The following HEATR5B variants were observed in gnomAD, a reference collection of about 807,000 sequenced individuals.
HEATR5B encodes HEAT repeat containing 5B, also known as HEAT repeat-containing protein 5B.
In HEATR5B, 156 loss-of-function variants were observed where a neutral mutation model predicts 224.1. The observed-to-expected ratio is 0.70, with a 90% CI of 0.61 to 0.80. The LOEUF is 0.80. Ranked by LOEUF, HEATR5B falls within the 30% of genes least tolerant of loss-of-function variation. HEATR5B has a pLI of 0.00. For missense variants in HEATR5B, 2,323 were observed against 2,535.5 expected (o/e 0.92, Z 1.80); for synonymous variants, 1,027 against 893.0 (o/e 1.15, Z -2.68).
intron 24 of HEATR5B, 83 bp downstream of exon 24, chr2:37,027,840 T>G: frequency 1.5e-6 from 2 of 1,364,004 alleles, no homozygotes; most frequent in Non-Finnish European, 2.1e-6. Context: ...ACGCTATATC[T>G]GTCGCAGTAA....
chr2:36,998,821 ACT>A (rs1260013068), intron 33 of HEATR5B, among the ~76,000 whole-genome samples: 2 of 152,004 alleles, frequency 1.3e-5, no homozygotes, highest in South Asian at 2.1e-4. Context: ...TAGTTATCTT[ACT>A]CTCTATATAA....
chr2:37,014,055 A>G, intron 26 of HEATR5B, 35 bp from the exon 27 acceptor site: 3 of 1,250,530 alleles, frequency 2.4e-6, no homozygotes, highest in Non-Finnish European at 3.3e-6. Flanking sequence ...TTTGTGTAAA[A>G]AAAATTAATG....
At chr2:37,005,299 A>G (rs978116600) in intron 30 of HEATR5B, among the ~76,000 whole-genome samples, 2 of 152,182 alleles carry the variant, frequency 1.3e-5, no homozygotes, top group East Asian at 1.9e-4. Flanking sequence ...GCCCACTCTG[A>G]GAAACCATCC....
chr2:36,983,655 G>A (rs964719617), intron 35 of HEATR5B, among the ~76,000 whole-genome samples: 35 of 151,516 alleles, frequency 2.3e-4, no homozygotes, highest in Non-Finnish European at 4.3e-4. Flanking sequence ...TTGAACCTGG[G>A]AGGCAGAGGT....
In HEATR5B at chr2:37,020,719, T is replaced by C; in HGVS notation, c.3971A>G (p.Lys1324Arg). 1 of 1,609,554 alleles carries C rather than the reference T, an allele frequency of 6.2e-7. No individual in the cohort carries two copies. The highest frequency in any genetic ancestry group is 1.1e-5 in the South Asian group (1 of 90,052). The change falls in exon 25 of 36, where the codon AAG (lysine) becomes AGG (arginine). Residue 1324 changes from lysine (K) to arginine (R), a missense_variant. Physicochemically the swap from Lys to Arg is conservative, Grantham distance 26. Coordinates refer to ENST00000233099, the MANE Select transcript of HEATR5B (RefSeq NM_019024.3). ...TTCTGGCTCAGGCACAGACGCAAAC[T>C]TCTTGATAATGTCTTCAAGCGCCTG... is the stretch of plus-strand genomic sequence containing the variant. Reference protein sequence around the residue: ...GLQALEDIIKKFASVPEPEFP... With the variant: ...GLQALEDIIKRFASVPEPEFP...
At chr2:37,060,045 A>C (rs139138186) in intron 12 of HEATR5B, among the ~76,000 whole-genome samples, 1 of 152,344 alleles carries the variant, frequency 6.6e-6, no homozygotes, top group East Asian at 1.9e-4. Flanking sequence ...TTATCAAACG[A>C]AACAAAACCT....
chr2:37,057,467 T>C lies in HEATR5B; in HGVS notation c.2073A>G (p.Ala691=), dbSNP rs578172686. The C allele has an allele frequency of 4.4e-6, 7 of 1,604,336 alleles. No homozygotes were observed. The highest frequency in any genetic ancestry group is 1.3e-5 in the African/African-American group (1 of 74,262). The change falls in exon 15 of 36, where the codon GCA becomes GCG. Residue 691 remains alanine, a synonymous_variant. Coordinates refer to ENST00000233099, the MANE Select transcript of HEATR5B (RefSeq NM_019024.3). ...ATTCCGCTACCAGTTCTCTAAGAAG[T>C]GCATTAAAAGATCCTAAAAAACAGA... ...PPKTYEGSFN[A]LLRELVAEFT... is the part of the protein sequence containing the mutation.
intron 4 of HEATR5B, 101 bp downstream of exon 4, chr2:37,076,810 A>G (rs1672264501): frequency 1.2e-6 from 1 of 824,688 alleles, no homozygotes; most frequent in Non-Finnish European, 2.0e-6. Context: ...TTGCTAAGCA[A>G]TATGAGACCA....
Position 37,071,270 on chromosome 2 carries a change from G to GT in HEATR5B, c.769+839dup, listed in dbSNP as rs1231929990. On this transcript the variant is annotated intron_variant, in intron 6 of 35. Transcript: ENST00000233099. ...ACAGGACTTGAACCTAAAACATCTGGTTCTCTTTCTATGATACAGAGGTGG... is the reference window on the plus strand; with the variant it reads ...ACAGGACTTGAACCTAAAACATCTGGTTTCTCTTTCTATGATACAGAGGTGG... Among the ~76,000 whole-genome samples, 4 of 152,102 alleles carry GT rather than the reference G, an allele frequency of 2.6e-5. No homozygotes were observed. In the East Asian group the frequency reaches 7.7e-4, roughly 29 times the overall value.
At chr2:37,061,454 C>T (rs1671276041) in intron 11 of HEATR5B, among the ~76,000 whole-genome samples, 1 of 152,166 alleles carries the variant, frequency 6.6e-6, no homozygotes, top group African/African-American at 2.4e-5. Flanking sequence ...AAAATATGAA[C>T]ATACCCCATC....
chr2:37,036,708 G>C (rs991411848), intron 21 of HEATR5B, among the ~76,000 whole-genome samples: 1 of 151,864 alleles, frequency 6.6e-6, no homozygotes, highest in African/African-American at 2.4e-5. Context: ...GATGAGGTTT[G>C]ACCACATTGC....
chr2:36,990,615 T>A, intron 34 of HEATR5B, 33 bp downstream of exon 34: 4 of 1,489,348 alleles, frequency 2.7e-6, no homozygotes, highest in Non-Finnish European at 3.6e-6. Context: ...AAGGGAAATG[T>A]TTTTATCTAT....
Position 37,072,262 on chromosome 2 carries a change from T to A in HEATR5B, c.617A>T (p.Asn206Ile). ...AVAKCLLELQ[N>I]EAVFMWTAEL... ...AGCAGTCCACATAAATACAGCTTCA[T>A]TCTGTAGTTCTAGTAGACACTGGAA... Residue 206 changes from asparagine to isoleucine, a missense_variant, in exon 6 of 36, where the codon AAT becomes ATT. By Grantham distance (149) the Asn-to-Ile change is moderately radical. Coordinates refer to ENST00000233099, the MANE Select transcript of HEATR5B (RefSeq NM_019024.3). 6.2e-7 allele frequency: 1 copy of A among 1,612,036 alleles called. No individual in the cohort carries two copies. Among genetic ancestry groups the A allele is most frequent in the Non-Finnish European group, 8.5e-7 (1 of 1,178,490 alleles).
intron 33 of HEATR5B, among the ~76,000 whole-genome samples, chr2:36,999,390 G>A (rs1666939184): frequency 6.6e-6 from 1 of 151,898 alleles, no homozygotes; most frequent in Non-Finnish European, 1.5e-5. Context: ...GTAAATTCTG[G>A]AGAGAGGCCG....
Position 37,065,856 on chromosome 2 carries a change from G to T in HEATR5B, c.1232C>A (p.Ala411Glu), listed in dbSNP as rs1671556324. Reference protein sequence around the residue: ...GENKSGAADIAASQHVMVCAL... With the variant: ...GENKSGAADIEASQHVMVCAL... ...ACAGACCATCACATGCTGGCTTGCT[G>T]CAATGTCTGCTGCGCCAGATTTGTT... The change falls in exon 9 of 36, where the codon GCA becomes GAA. Residue 411 changes from alanine (A) to glutamate (E), a missense_variant. By Grantham distance (107) the Ala-to-Glu change is moderately radical (BLOSUM62 -1). This residue lies in a region of HEATR5B where 502 missense variants were observed against 517.8 expected (regional missense o/e 0.97). Coordinates refer to ENST00000233099, the MANE Select transcript of HEATR5B (RefSeq NM_019024.3). 1 of 1,613,714 alleles carries T rather than the reference G, an allele frequency of 6.2e-7. No homozygotes were observed. The highest frequency in any genetic ancestry group is 2.2e-5 in the East Asian group (1 of 44,860).
intron 29 of HEATR5B, among the ~76,000 whole-genome samples, chr2:37,006,843 G>T (rs1409986461): frequency 2.0e-5 from 3 of 152,122 alleles, no homozygotes; most frequent in African/African-American, 7.2e-5. Context: ...GAATGAGCAT[G>T]ACAGTTAAGT....
chr2:36,990,711 G>C lies in HEATR5B; in HGVS notation c.5634C>G (p.Val1878=), dbSNP rs1666269886. 6.2e-7 allele frequency: 1 copy of C among 1,611,208 alleles called. No individual in the cohort carries two copies. The highest frequency in any genetic ancestry group is 1.1e-5 in the South Asian group (1 of 90,602). ...LWSASNEIIG[V]QSLQNGCMNR... The stretch of plus-strand genomic sequence containing the variant: ...TCATGCAGCCATTCTGTAATGACTG[G>C]ACTCCTATTATTTCATTACTAGCAG... The change falls in exon 34 of 36, where the codon GTC becomes GTG. Residue 1878 remains valine (V), a synonymous_variant. Transcript: ENST00000233099.
intron 29 of HEATR5B, among the ~76,000 whole-genome samples, 197 bp downstream of exon 29, chr2:37,006,853 T>C (rs578159972): frequency 1.3e-5 from 2 of 152,214 alleles, no homozygotes; most frequent in Admixed American, 1.3e-4. Context: ...GACAGTTAAG[T>C]AGTTTCAGTA....
chr2:37,034,091 G>A (rs1244270398), intron 21 of HEATR5B, among the ~76,000 whole-genome samples: 1 of 151,776 alleles, frequency 6.6e-6, no homozygotes, highest in Non-Finnish European at 1.5e-5. Flanking sequence ...TGTAATTCAA[G>A]ATATACTTGC....
Sources: allele counts gnomAD v4.1 joint callset (sites outside exome capture counted in the v4.1 genomes callset), GRCh38; gene constraint gnomAD v4.1.1; regional missense constraint gnomAD v4.1.1; transcripts MANE v1.5; gene names NCBI Gene and HGNC (gene_info 2026-07-23, HGNC 2026-07-21).